Variants in AUTS2 observed in about 807,000 individuals in gnomAD.
AUTS2 encodes the protein autism susceptibility gene 2 protein.
AUTS2 carries 17 observed loss-of-function variants against 112.4 expected under a neutral mutation model. That is an observed-to-expected ratio of 0.15 (90% CI 0.10 to 0.23). The LOEUF is 0.23. Ranked by LOEUF, AUTS2 falls within the 10% of genes least tolerant of loss-of-function variation. The pLI is 1.00. For missense variants in AUTS2, 1,510 were observed against 1,701.6 expected (o/e 0.89, Z 1.98); for synonymous variants, 751 against 702.7 (o/e 1.07, Z -1.09).
At chr7:69,976,751 A>G (rs1798075360) in intron 2 of AUTS2, among the ~76,000 whole-genome samples, 1 of 152,098 alleles carries the variant, frequency 6.6e-6, no homozygotes, top group Admixed American at 6.6e-5. Context: ...CTTTGGAGAA[A>G]TTTCTATTCA....
At chr7:70,666,321 G>A (rs571406154) in intron 5 of AUTS2, among the ~76,000 whole-genome samples, 28 of 152,304 alleles carry the variant, frequency 1.8e-4, no homozygotes, top group Middle Eastern at 3.4e-3. Context: ...GGAGGTATTT[G>A]CTATTTTTAT....
chr7:69,968,809 A>G (rs1158549920), intron 2 of AUTS2, among the ~76,000 whole-genome samples: 1 of 151,786 alleles, frequency 6.6e-6, no homozygotes, highest in Admixed American at 6.6e-5. Flanking sequence ...ACCTAGTTTA[A>G]AAAAAAAGTT....
At chr7:70,004,346 C>CAT (rs760697614) in intron 2 of AUTS2, among the ~76,000 whole-genome samples, 3 of 110,880 alleles carry the variant, frequency 2.7e-5, no homozygotes, top group Non-Finnish European at 5.5e-5. Flanking sequence ...AATATATATT[C>CAT]ATATATATAT....
intron 4 of AUTS2, among the ~76,000 whole-genome samples, chr7:70,167,341 G>A (rs973329518): frequency 2.0e-5 from 3 of 152,106 alleles, no homozygotes; most frequent in Non-Finnish European, 4.4e-5. Flanking sequence ...TAGTGATAAA[G>A]GGATCAGTCC....
chr7:69,667,094 A>C (rs922873033), intron 1 of AUTS2, among the ~76,000 whole-genome samples: 50 of 152,222 alleles, frequency 3.3e-4, no homozygotes, highest in African/African-American at 1.2e-3. Flanking sequence ...GGACTCTACA[A>C]AGTCCTGAGG....
chr7:70,716,355 C>T (rs1284537169), intron 6 of AUTS2, among the ~76,000 whole-genome samples: 3 of 152,010 alleles, frequency 2.0e-5, no homozygotes, highest in East Asian at 3.9e-4. Flanking sequence ...TGTTAAAGGC[C>T]GGGCACAGTG....
chr7:70,431,490 A>G (rs1341648395), intron 4 of AUTS2, among the ~76,000 whole-genome samples: 2 of 152,018 alleles, frequency 1.3e-5, no homozygotes, highest in Non-Finnish European at 2.9e-5. Flanking sequence ...GGCTCAAGCG[A>G]TTCTCCTGAC....
At chr7:70,373,197 A>G (rs1792921734) in intron 4 of AUTS2, among the ~76,000 whole-genome samples, 1 of 151,726 alleles carries the variant, frequency 6.6e-6, no homozygotes, top group Middle Eastern at 3.2e-3. Context: ...GGGAGGGGCC[A>G]GGACAGAAGA....
chr7:70,002,453 A>G (rs1252653878), intron 2 of AUTS2, among the ~76,000 whole-genome samples: 2 of 152,164 alleles, frequency 1.3e-5, no homozygotes, highest in East Asian at 3.8e-4. Context: ...GTCTTAGACT[A>G]GGATGAAGAT....
At chr7:70,456,704 T>C (rs991976140) in intron 5 of AUTS2, among the ~76,000 whole-genome samples, 2 of 152,188 alleles carry the variant, frequency 1.3e-5, no homozygotes, top group African/African-American at 4.8e-5. Context: ...CCAGCCTGGC[T>C]CCACTCACTG....
At chr7:70,394,248 ACTTAT>A (rs1324524692) in intron 4 of AUTS2, among the ~76,000 whole-genome samples, 6 of 152,194 alleles carry the variant, frequency 3.9e-5, no homozygotes, top group African/African-American at 1.4e-4. Context: ...AACTGCCAAA[ACTTAT>A]CTTGAGTTTC....
rs138650243 is a variant in AUTS2 at position 70,064,132 on chromosome 7, G to A, written c.523-54000G>A. Among the ~76,000 whole-genome samples the A allele has an allele frequency of 1.1e-4, 16 of 152,230 alleles. No homozygotes were observed. In the East Asian group the frequency reaches 1.4e-3, roughly 13 times the overall value. On this transcript the variant is annotated intron_variant, in intron 2 of 18. Transcript: ENST00000342771. ...GGACTGTGTTCAGCATCTGTGCTTCGCAGGCCACTCTTTATCCTTTTAGTG... is the reference window on the plus strand; with the variant it reads ...GGACTGTGTTCAGCATCTGTGCTTCACAGGCCACTCTTTATCCTTTTAGTG...
At chr7:70,170,077 G>GT (rs1376419484) in intron 4 of AUTS2, among the ~76,000 whole-genome samples, 162 of 148,262 alleles carry the variant, frequency 1.1e-3, no homozygotes, top group Middle Eastern at 3.5e-3. Flanking sequence ...AATAATAGAG[G>GT]TTTTTTTTTA....
intron 1 of AUTS2, among the ~76,000 whole-genome samples, chr7:69,682,154 C>G (rs1474860819): frequency 6.6e-6 from 1 of 152,160 alleles, no homozygotes; most frequent in Non-Finnish European, 1.5e-5. Flanking sequence ...AGGTCATCTT[C>G]CATTTTGGTC....
intron 4 of AUTS2, among the ~76,000 whole-genome samples, chr7:70,383,829 CA>C (rs766890546): frequency 6.6e-6 from 1 of 152,210 alleles, no homozygotes; most frequent in Non-Finnish European, 1.5e-5. Context: ...CCTTTCTCTG[CA>C]AAGTGGGATC....
At chr7:70,511,654 C>T (rs1418988753) in intron 5 of AUTS2, among the ~76,000 whole-genome samples, 1 of 129,214 alleles carries the variant, frequency 7.7e-6, no homozygotes, top group Non-Finnish European at 1.6e-5. Context: ...GGGCTCACTG[C>T]AATCTCTGCC....
intron 2 of AUTS2, among the ~76,000 whole-genome samples, chr7:70,083,304 A>G (rs1000675977): frequency 1.1e-4 from 16 of 152,154 alleles, no homozygotes; most frequent in Non-Finnish European, 2.1e-4. Flanking sequence ...AGGAGCTTCC[A>G]TGATCATGGT....
chr7:70,779,216 A>G (rs531749588), intron 14 of AUTS2, among the ~76,000 whole-genome samples: 2 of 152,330 alleles, frequency 1.3e-5, no homozygotes, highest in Admixed American at 6.5e-5. Context: ...AGGCTTGGCT[A>G]TTACTCGATA....
intron 1 of AUTS2, among the ~76,000 whole-genome samples, chr7:69,748,428 G>T (rs1787603620): frequency 6.6e-6 from 1 of 152,162 alleles, no homozygotes; most frequent in African/African-American, 2.4e-5. Flanking sequence ...CAAATCAGAT[G>T]GGTGGCAGTC....
Sources: allele counts gnomAD v4.1 joint callset (sites outside exome capture counted in the v4.1 genomes callset), GRCh38; gene constraint gnomAD v4.1.1; transcripts MANE v1.5; gene names NCBI Gene and HGNC (gene_info 2026-07-23, HGNC 2026-07-21).